EPHA10: variants seen among roughly 807,000 people sequenced by gnomAD.
EPHA10 encodes EPH receptor A10, also known as ephrin type-A receptor 10.
A neutral mutation model predicts 109.7 loss-of-function variants in EPHA10; 120 were observed. The observed-to-expected ratio is 1.09, with a 90% CI of 0.94 to 1.27. The LOEUF (loss-of-function observed/expected upper bound fraction) is 1.27, where lower values mean the gene tolerates loss of function less well. Among genes scored for constraint, EPHA10 ranks in the 50% most tolerant of loss-of-function variants. The pLI, the probability that EPHA10 is intolerant of heterozygous loss-of-function variation, is 0.00. For missense variants in EPHA10, 1,396 were observed against 1,411.1 expected, an observed-to-expected ratio of 0.99 and a Z score of 0.17; for synonymous variants, 640 against 618.9, an observed-to-expected ratio of 1.03 and a Z score of -0.51.
At chr1:37,740,548 G>A (rs985812291) in intron 5 of EPHA10, among the ~76,000 whole-genome samples, 46 of 151,986 alleles carry the variant, frequency 3.0e-4, no homozygotes, top group African/African-American at 1.1e-3. Flanking sequence ...CTCATGATCC[G>A]CCCACCCCGG....
At chr1:37,733,321 A>T (rs1449201041) in intron 6 of EPHA10, among the ~76,000 whole-genome samples, 1 of 151,976 alleles carries the variant, frequency 6.6e-6, no homozygotes, top group Non-Finnish European at 1.5e-5. Context: ...TCCCGGGCTC[A>T]AGCGATCTTC....
At position 37,762,040 on chromosome 1, in the gene EPHA10, C is replaced by G. The variant is rs1200186933; in HGVS notation, c.215G>C (p.Arg72Pro). 1 of 1,609,184 alleles carries G rather than the reference C, an allele frequency of 6.2e-7. No individual in the cohort carries two copies. The highest frequency in any genetic ancestry group is 2.2e-5 in the East Asian group (1 of 44,822). ...SGVDEHDRPI[R>P]TYQVCNVLEP... is the part of the protein sequence containing the mutation. The stretch of plus-strand genomic sequence containing the variant: ...CAGCACATTGCACACTTGGTACGTG[C>G]GGATGGGACGGTCGTGTTCATCCAC... Residue 72 changes from arginine (R) to proline (P), a missense_variant, in exon 3 of 17, where the codon CGC (arginine) becomes CCC (proline). Physicochemically the swap from Arg to Pro is moderately radical, Grantham distance 103 (BLOSUM62 -2). Transcript: ENST00000373048.
At chr1:37,721,901 G>A (rs1645804834) in intron 10 of EPHA10, 56 bp from the exon 11 acceptor site, 1 of 1,435,362 alleles carries the variant, frequency 7.0e-7, no homozygotes, top group South Asian at 1.5e-5. Flanking sequence ...GGCTGAGCTG[G>A]GCAGGCTGAG....
At chr1:37,721,268 A>C (rs986449968) in intron 11 of EPHA10, among the ~76,000 whole-genome samples, 6 of 151,006 alleles carry the variant, frequency 4.0e-5, no homozygotes, top group Non-Finnish European at 5.9e-5. Context: ...AAAAAAAAAA[A>C]AACAAAAAAA....
At chr1:37,729,002 AATATGGCAAGAG>A (rs1557538012) in intron 7 of EPHA10, among the ~76,000 whole-genome samples, 1 of 152,166 alleles carries the variant, frequency 6.6e-6, no homozygotes, top group Non-Finnish European at 1.5e-5. Flanking sequence ...TAATGAACAG[AATATGGCAAGAG>A]TATTGGGATG....
intron 3 of EPHA10, among the ~76,000 whole-genome samples, chr1:37,757,379 T>A (rs1245193124): frequency 6.6e-6 from 1 of 152,062 alleles, no homozygotes; most frequent in Non-Finnish European, 1.5e-5. Flanking sequence ...ATCCAATCAT[T>A]TCCCTTCCCT....
At chr1:37,724,167 C>A (rs983273053) in intron 8 of EPHA10, among the ~76,000 whole-genome samples, 3 of 152,102 alleles carry the variant, frequency 2.0e-5, no homozygotes, top group African/African-American at 7.2e-5. Context: ...TGGAGAGAGG[C>A]AGAGGACTCG....
At chr1:37,755,501 T>C (rs1163538151) in intron 3 of EPHA10, among the ~76,000 whole-genome samples, 5 of 152,144 alleles carry the variant, frequency 3.3e-5, no homozygotes. Flanking sequence ...ACCTACTCAG[T>C]TTGCTTCTCT....
chr1:37,753,265 T>C (rs1462858438), intron 4 of EPHA10, 39 bp from the exon 5 acceptor site: 2 of 336,816 alleles, frequency 5.9e-6, no homozygotes, highest in East Asian at 6.1e-4. Context: ...GGGCGGGGCG[T>C]GGGTGCCCGT....
intron 5 of EPHA10, among the ~76,000 whole-genome samples, chr1:37,748,813 G>T (rs1298554514): frequency 6.6e-6 from 1 of 151,220 alleles, no homozygotes; most frequent in Non-Finnish European, 1.5e-5. Flanking sequence ...TTTAGAAAAA[G>T]TTCAATGAAG....
intron 15 of EPHA10, among the ~76,000 whole-genome samples, 160 bp downstream of exon 15, chr1:37,719,254 G>A (rs916471253): frequency 1.3e-5 from 2 of 152,234 alleles, no homozygotes; most frequent in African/African-American, 4.8e-5. Context: ...GCAGTGAGGT[G>A]GGCCTGGGCA....
chr1:37,728,969 T>A (rs1383320484), intron 7 of EPHA10, among the ~76,000 whole-genome samples: 2 of 152,162 alleles, frequency 1.3e-5, no homozygotes, highest in Non-Finnish European at 2.9e-5. Flanking sequence ...CCATTCCCCA[T>A]GAGCACAGGC....
chr1:37,731,713 C>G lies in EPHA10; in HGVS notation c.1492-131G>C, dbSNP rs921353955. ...TGTGGGCTGAGTGCGAAAACCCAAC[C>G]TCAATCATCTTGGGGTTTCCCAGGG... On this transcript the variant is annotated intron_variant, in intron 6 of 16. Transcript: ENST00000373048. 6 of 952,470 alleles carry G rather than the reference C, an allele frequency of 6.3e-6. No individual in the cohort carries two copies. The Admixed American group carries it at 1.8e-4, about 28-fold the overall frequency. The allele number at this position is 952,470 out of a possible 1,614,324, so 59.0% of individuals were successfully genotyped here.
rs2148372695 is a variant in EPHA10 at position 37,764,002 on chromosome 1, C to A, written c.106+959G>T. 6.6e-6 allele frequency among the ~76,000 whole-genome samples: 1 copy of A among 152,170 alleles called. No individual in the cohort carries two copies. The highest frequency in any genetic ancestry group is 1.9e-4 in the East Asian group (1 of 5,204). On this transcript the variant is annotated intron_variant, in intron 1 of 16. Transcript: ENST00000373048. This position sits in a 1 kb window ranked among gnomAD's most constrained non-coding sequence, Gnocchi z 5.8. ...GTCCCTTTATTCCCCCAGGAGGCAT[C>A]GGATCAGCAGCCTGCAACCTCTCAG...
chr1:37,748,761 T>C (rs1235516312), intron 5 of EPHA10, among the ~76,000 whole-genome samples: 2 of 152,108 alleles, frequency 1.3e-5, no homozygotes, highest in Non-Finnish European at 1.5e-5. Flanking sequence ...ATATTGAAAA[T>C]GCTTAATAAG....
chr1:37,719,629 C>G, intron 14 of EPHA10, 22 bp from the exon 15 acceptor site: 1 of 1,611,328 alleles, frequency 6.2e-7, no homozygotes, highest in Non-Finnish European at 8.5e-7. Context: ...GGGTGGGGAG[C>G]AGAGAGGAGG....
intron 11 of EPHA10, among the ~76,000 whole-genome samples, chr1:37,721,427 CA>C (rs71053991): frequency 0.15 from 14,273 of 94,078 alleles, 725 homozygotes; most frequent in Middle Eastern, 0.26. Flanking sequence ...GACTCCATCT[CA>C]AAAAAAAAAA....
chr1:37,721,812 T>A lies in EPHA10; in HGVS notation c.1994A>T (p.Gln665Leu). 1 of 1,607,602 alleles carries A rather than the reference T, an allele frequency of 6.2e-7. No homozygotes were observed. ...GAGCAGCTCCTGGCGACCGGGGAGC[T>A]GCAAGCAGCCACAGCACAGCTCCCC... ...RFGELCCGCL[Q>L]LPGRQELLVA... The change falls in exon 11 of 17, where the codon CAG becomes CTG. Residue 665 changes from glutamine to leucine, a missense_variant. Transcript: ENST00000373048.
intron 6 of EPHA10, among the ~76,000 whole-genome samples, chr1:37,731,934 G>A (rs1394555203): frequency 6.6e-6 from 1 of 152,228 alleles, no homozygotes; most frequent in Non-Finnish European, 1.5e-5. Flanking sequence ...AGTGCCCTAG[G>A]CAGGCCTGAA....
Sources: gnomAD v4.1 joint callset for allele counts (sites outside exome capture counted in the v4.1 genomes callset) on GRCh38, gnomAD v4.1.1 for gene constraint, Gnocchi (gnomAD v3.1) non-coding constraint, MANE v1.5 for transcripts, NCBI Gene and HGNC (gene_info 2026-07-23, HGNC 2026-07-21) for gene names.